Variants in FAIM2 observed in about 807,000 individuals in gnomAD.
The protein encoded by FAIM2 is Fas apoptotic inhibitory molecule 2, also known as protein lifeguard 2.
Under a neutral mutation model 47.4 loss-of-function variants are expected in FAIM2, and 27 were observed. The observed-to-expected ratio is 0.57, with a 90% confidence interval of 0.42 to 0.78. FAIM2 has a LOEUF of 0.78. FAIM2 is among the 30% of genes least tolerant of loss of function. The pLI is 0.00. For synonymous variants in FAIM2, 156 were observed against 159.3 expected (o/e 0.98, Z 0.16); for missense variants, 311 against 389.4 (o/e 0.80, Z 1.69).
At chr12:49,888,233 G>T (rs1946875072) in intron 10 of FAIM2, among the ~76,000 whole-genome samples, 2 of 152,246 alleles carry the variant, frequency 1.3e-5, no homozygotes, top group South Asian at 2.1e-4. Flanking sequence ...CCCTCCCTTT[G>T]TCAACAGGAT....
chr12:49,897,917 G>C, intron 3 of FAIM2, 70 bp downstream of exon 3: 1 of 1,190,306 alleles, frequency 8.4e-7, no homozygotes, highest in Admixed American at 1.7e-5. Flanking sequence ...GCAGAGGGTT[G>C]GGCCAGGGAC....
At chr12:49,887,843 G>A (rs1946872592) in intron 10 of FAIM2, among the ~76,000 whole-genome samples, 1 of 152,160 alleles carries the variant, frequency 6.6e-6, no homozygotes, top group Non-Finnish European at 1.5e-5. Flanking sequence ...GGGCACTCCT[G>A]GGCTCTGCCT....
intron 10 of FAIM2, 83 bp downstream of exon 10, chr12:49,889,024 G>C: frequency 9.9e-7 from 1 of 1,011,276 alleles, no homozygotes; most frequent in South Asian, 1.4e-5. Context: ...GGCCTTCCCT[G>C]GCGGATAGGG....
chr12:49,871,810 G>GC, intron 11 of FAIM2, among the ~76,000 whole-genome samples: 1 of 152,140 alleles, frequency 6.6e-6, no homozygotes, highest in South Asian at 2.1e-4. Flanking sequence ...AGGATTACAG[G>GC]CATGTGCCAC....
chr12:49,876,538 C>A (rs899566327), intron 11 of FAIM2, among the ~76,000 whole-genome samples: 1 of 151,642 alleles, frequency 6.6e-6, no homozygotes, highest in African/African-American at 2.4e-5. Context: ...CCGAGGCGGG[C>A]GGATCACCAT....
chr12:49,879,342 G>A (rs552066910), intron 11 of FAIM2, among the ~76,000 whole-genome samples: 1 of 148,878 alleles, frequency 6.7e-6, no homozygotes, highest in Admixed American at 6.7e-5. Context: ...ATGTGTTTAT[G>A]TGTGCATGTG....
At chr12:49,888,856 G>A (rs1397269947) in intron 10 of FAIM2, among the ~76,000 whole-genome samples, 2 of 152,220 alleles carry the variant, frequency 1.3e-5, no homozygotes, top group Non-Finnish European at 2.9e-5. Flanking sequence ...ACCCCACAGA[G>A]GAGGACGGGA....
In FAIM2 at chr12:49,897,596, G is replaced by A; in HGVS notation, c.316-13C>T. On this transcript the variant is annotated splice_polypyrimidine_tract_variant and intron_variant, in intron 3 of 11. Transcript: ENST00000320634. Reference sequence around the variant, plus strand: ...GGATGGTGTAGACCTGGGGGTGGGAGGGGTTCTACTCAGCTTGGGGGGCCC... The same window carrying A: ...GGATGGTGTAGACCTGGGGGTGGGAAGGGTTCTACTCAGCTTGGGGGGCCC... The A allele has an allele frequency of 6.2e-7, 1 of 1,610,280 alleles. No homozygotes were observed. The highest frequency in any genetic ancestry group is 8.5e-7 in the Non-Finnish European group (1 of 1,177,800).
chr12:49,900,176 G>A, intron 2 of FAIM2: 1 of 1,286,446 alleles, frequency 7.8e-7, no homozygotes. Flanking sequence ...CCTCCAGTAG[G>A]TCACGGTGGG....
rs1331721222 is a variant in FAIM2 at position 49,874,531 on chromosome 12, C to T, written c.802-3878G>A. ...TGCTAAACCTGGCCGGGGACCCCAG[C>T]CACACATTTGGCCTGACCCTGCCAT... On this transcript the variant is annotated intron_variant, in intron 11 of 11. Coordinates refer to ENST00000320634, the MANE Select transcript of FAIM2 (RefSeq NM_012306.4). The surrounding 1 kb of genome is among the most constrained non-coding windows in gnomAD (Gnocchi z 4.2). 6.6e-6 allele frequency among the ~76,000 whole-genome samples: 1 copy of T among 152,196 alleles called. No homozygotes were observed. The highest frequency in any genetic ancestry group is 1.5e-5 in the Non-Finnish European group (1 of 68,038).
intron 11 of FAIM2, among the ~76,000 whole-genome samples, chr12:49,880,931 G>A (rs1018555396): frequency 2.6e-4 from 40 of 151,930 alleles, no homozygotes; most frequent in African/African-American, 9.2e-4. Flanking sequence ...TGGCTTCAGC[G>A]CATGCTCAGC....
At chr12:49,892,254 C>A (rs981588117) in intron 5 of FAIM2, among the ~76,000 whole-genome samples, 10 of 152,130 alleles carry the variant, frequency 6.6e-5, no homozygotes, top group African/African-American at 1.9e-4. Flanking sequence ...AATCCTCCCA[C>A]CCCCTTAATT....
chr12:49,903,045 C>T (rs1007633688), intron 1 of FAIM2: 4 of 152,044 alleles, frequency 2.6e-5, no homozygotes, highest in East Asian at 1.9e-4. Context: ...ACAGAGGGCC[C>T]GAGTACCCTC....
At chr12:49,897,776 C>A (rs991442616) in intron 3 of FAIM2, among the ~76,000 whole-genome samples, 193 bp from the exon 4 acceptor site, 2 of 150,706 alleles carry the variant, frequency 1.3e-5, no homozygotes, top group Non-Finnish European at 2.9e-5. Context: ...CCCCCCCCAG[C>A]ATTGGGAGAA....
chr12:49,897,335 C>T (rs529616463), intron 4 of FAIM2, among the ~76,000 whole-genome samples, 184 bp downstream of exon 4: 66 of 152,304 alleles, frequency 4.3e-4, no homozygotes, highest in African/African-American at 7.0e-4. Flanking sequence ...GGGTCCACCC[C>T]ACACTGGACA....
Position 49,870,408 on chromosome 12 carries a change from A to G in FAIM2, c.*96T>C. Reference sequence around the variant, plus strand: ...TGACCTGGCCACAGGCTGGGTTGGCAGCTAGTTTTATATCTGGTCTCGCAG... The same window carrying G: ...TGACCTGGCCACAGGCTGGGTTGGCGGCTAGTTTTATATCTGGTCTCGCAG... On this transcript the variant is annotated 3_prime_UTR_variant, in exon 12 of 12. Transcript: ENST00000320634. 8.4e-7 allele frequency: 1 copy of G among 1,185,870 alleles called. No homozygotes were observed. The highest frequency in any genetic ancestry group is 1.2e-6 in the Non-Finnish European group (1 of 819,458). The allele number at this position is 1,185,870 out of a possible 1,614,324, so 73.5% of individuals were successfully genotyped here. A position where few individuals can be genotyped will look rare whatever the true frequency, so the allele number is the denominator to read the frequency against.
chr12:49,886,448 G>C (rs1946861743), intron 11 of FAIM2, among the ~76,000 whole-genome samples: 1 of 152,124 alleles, frequency 6.6e-6, no homozygotes, highest in South Asian at 2.1e-4. Flanking sequence ...ATATCTCTGA[G>C]CTTCAGTTTC....
At chr12:49,880,551 CGT>C (rs542112032) in intron 11 of FAIM2, among the ~76,000 whole-genome samples, 281 of 25,990 alleles carry the variant, frequency 0.011, no homozygotes, top group African/African-American at 0.062. Flanking sequence ...TGTATGCATG[CGT>C]GTGTGTGCAT....
intron 2 of FAIM2, chr12:49,900,246 C>G: frequency 7.8e-7 from 1 of 1,280,292 alleles, no homozygotes; most frequent in South Asian, 1.3e-5. Context: ...ACCATGGTGG[C>G]TACTCCCTAT....
Sources: allele counts gnomAD v4.1 joint callset (sites outside exome capture counted in the v4.1 genomes callset), GRCh38; gene constraint gnomAD v4.1.1; non-coding constraint Gnocchi (gnomAD v3.1); transcripts MANE v1.5; gene names NCBI Gene and HGNC (gene_info 2026-07-23, HGNC 2026-07-21).